Variants in CFAP299 observed in about 807,000 individuals in gnomAD.
CFAP299 encodes cilia- and flagella-associated protein 299.
CFAP299 carries 21 observed loss-of-function variants against 27.0 expected under a neutral mutation model. That is an observed-to-expected ratio of 0.78 (90% CI 0.55 to 1.12). CFAP299 has a LOEUF of 1.12. CFAP299 is among the 50% of genes most tolerant of loss of function. The probability of loss-of-function intolerance (pLI) is 0.00; values close to 1 mark genes in which losing one functional copy is unlikely to be tolerated. For synonymous variants in CFAP299, 104 were observed against 98.1 expected, an observed-to-expected ratio of 1.06 and a Z score of -0.36; for missense variants, 310 against 276.6, an observed-to-expected ratio of 1.12 and a Z score of -0.86.
In CFAP299 at chr4:80,943,141, G is replaced by A. The variant is rs1234782603; in HGVS notation, c.477-1669G>A. Reference sequence around the variant, plus strand: ...ACATAGTCATTCCTGTTTTCTTAGGGAGAATTGACTAAACAGACAAAGATA... The same window carrying A: ...ACATAGTCATTCCTGTTTTCTTAGGAAGAATTGACTAAACAGACAAAGATA... On this transcript the variant is annotated intron_variant, in intron 4 of 5. Transcript: ENST00000358105. Among the ~76,000 whole-genome samples, 3 of 152,152 alleles carry A rather than the reference G, an allele frequency of 2.0e-5. No homozygotes were observed. The East Asian group carries it at 5.8e-4, about 29-fold the overall frequency.
At chr4:80,688,636 C>A (rs2110013249) in intron 3 of CFAP299, among the ~76,000 whole-genome samples, 1 of 152,332 alleles carries the variant, frequency 6.6e-6, no homozygotes, top group Non-Finnish European at 1.5e-5. Flanking sequence ...AGCACAGCAC[C>A]TATCCTCCTC....
At chr4:80,438,072 G>A (rs983167603) in intron 2 of CFAP299, among the ~76,000 whole-genome samples, 16 of 152,174 alleles carry the variant, frequency 1.1e-4, no homozygotes, top group Non-Finnish European at 2.2e-4. Flanking sequence ...CATTGGGGAA[G>A]TTAGATGATA....
intron 3 of CFAP299, among the ~76,000 whole-genome samples, chr4:80,805,520 T>C (rs1728818940): frequency 6.6e-6 from 1 of 152,096 alleles, no homozygotes; most frequent in Non-Finnish European, 1.5e-5. Context: ...AACATAGTAG[T>C]ACACTAAAAC....
At chr4:80,878,006 T>A (rs1017364594) in intron 4 of CFAP299, among the ~76,000 whole-genome samples, 1 of 152,162 alleles carries the variant, frequency 6.6e-6, no homozygotes, top group Non-Finnish European at 1.5e-5. Context: ...TCCTCCTACA[T>A]AACATCACCA....
At chr4:80,914,458 A>G (rs755355036) in intron 4 of CFAP299, among the ~76,000 whole-genome samples, 3 of 152,126 alleles carry the variant, frequency 2.0e-5, no homozygotes, top group Non-Finnish European at 2.9e-5. Flanking sequence ...GATATTTAGC[A>G]ATATCCGTAT....
intron 2 of CFAP299, among the ~76,000 whole-genome samples, 186 bp from the exon 3 acceptor site, chr4:80,582,907 G>A (rs1736240623): frequency 6.6e-6 from 1 of 151,700 alleles, no homozygotes; most frequent in African/African-American, 2.4e-5. Flanking sequence ...GATTCCAAGT[G>A]TTTATAAATA....
At chr4:80,741,449 A>G (rs1724266339) in intron 3 of CFAP299, among the ~76,000 whole-genome samples, 1 of 152,014 alleles carries the variant, frequency 6.6e-6, no homozygotes, top group Admixed American at 6.6e-5. Context: ...GTGGGTTCTC[A>G]CTTGGCCCAC....
intron 2 of CFAP299, among the ~76,000 whole-genome samples, chr4:80,476,572 T>A (rs1173765989): frequency 6.6e-6 from 1 of 152,160 alleles, no homozygotes. Context: ...AGATAAGATT[T>A]CTTTCTGCAT....
At chr4:80,752,833 T>C (rs77299525) in intron 3 of CFAP299, among the ~76,000 whole-genome samples, 11,119 of 152,142 alleles carry the variant, frequency 0.073, 475 homozygotes, top group Middle Eastern at 0.092. Context: ...TAAAATATAA[T>C]ATATGTCATT....
the CFAP299 span, among the ~76,000 whole-genome samples, chr4:80,329,099 A>G: frequency 6.6e-6 from 1 of 151,668 alleles, no homozygotes; most frequent in African/African-American, 2.4e-5. Flanking sequence ...TCTTTAGCTC[A>G]TCAGCCATTG....
rs562674175 is a variant in CFAP299, at chr4:80,949,429, T to TA, written c.606+4492dup. Among the ~76,000 whole-genome samples, 140 of 152,004 alleles carry TA rather than the reference T, an allele frequency of 9.2e-4. 1 individual carries two copies. In the South Asian group the frequency reaches 0.019, roughly 20 times the overall value. ...AATGGTGAAGGGAGAGCATTGGAGA[T>TA]AATGTTAAGTGATAATGGAGGAAGT... On this transcript the variant is annotated intron_variant, in intron 5 of 5. Coordinates refer to ENST00000358105, the MANE Select transcript of CFAP299 (RefSeq NM_152770.3).
chr4:80,817,206 G>A (rs1160237025), intron 3 of CFAP299, among the ~76,000 whole-genome samples: 4 of 151,940 alleles, frequency 2.6e-5, no homozygotes, highest in Non-Finnish European at 5.9e-5. Context: ...AACTCCACAG[G>A]CCCCTAGAGG....
At chr4:80,554,937 A>G (rs1016647963) in intron 2 of CFAP299, among the ~76,000 whole-genome samples, 6 of 152,154 alleles carry the variant, frequency 3.9e-5, no homozygotes, top group African/African-American at 1.4e-4. Context: ...GAATCATGTC[A>G]TCTGCAAACA....
At chr4:80,624,508 A>G (rs1738779574) in intron 3 of CFAP299, among the ~76,000 whole-genome samples, 2 of 151,962 alleles carry the variant, frequency 1.3e-5, no homozygotes, top group Admixed American at 6.6e-5. Context: ...GCAACAAAAG[A>G]GCAAAACATT....
the CFAP299 span, among the ~76,000 whole-genome samples, chr4:80,327,693 TA>T: frequency 9.2e-4 from 23 of 24,908 alleles, 2 homozygotes; most frequent in South Asian, 3.2e-3. Flanking sequence ...AGAGAAGTTA[TA>T]TATATATATA....
intron 4 of CFAP299, among the ~76,000 whole-genome samples, chr4:80,935,234 C>T (rs367737444): frequency 6.6e-6 from 1 of 151,918 alleles, no homozygotes; most frequent in African/African-American, 2.4e-5. Context: ...AGAAACTGTA[C>T]TTGGTATAAT....
intron 5 of CFAP299, among the ~76,000 whole-genome samples, chr4:80,946,636 A>G (rs76375282): frequency 0.067 from 10,210 of 152,274 alleles, 721 homozygotes; most frequent in African/African-American, 0.16. Context: ...ACACAATGCT[A>G]TCTCCTTCAA....
chr4:80,690,052 A>G (rs914548316), intron 3 of CFAP299, among the ~76,000 whole-genome samples: 1 of 149,108 alleles, frequency 6.7e-6, no homozygotes, highest in Non-Finnish European at 1.5e-5. Flanking sequence ...GCAAGTCCTG[A>G]GTGACCTACA....
intron 3 of CFAP299, among the ~76,000 whole-genome samples, chr4:80,627,461 T>C (rs1738969083): frequency 6.6e-6 from 1 of 152,106 alleles, no homozygotes; most frequent in African/African-American, 2.4e-5. Flanking sequence ...ACCACTTCCA[T>C]TCAATATAGT....
Sources: gnomAD v4.1 joint callset for allele counts (sites outside exome capture counted in the v4.1 genomes callset) on GRCh38, gnomAD v4.1.1 for gene constraint, MANE v1.5 for transcripts, NCBI Gene and HGNC (gene_info 2026-07-23, HGNC 2026-07-21) for gene names.